DPP6: variants seen among roughly 807,000 people sequenced by gnomAD.
DPP6 encodes dipeptidyl peptidase like 6.
DPP6 carries 69 observed loss-of-function variants against 122.6 expected under a neutral mutation model. The ratio of observed to expected loss-of-function variants is 0.56; its 90% CI spans 0.46 to 0.69. DPP6 has a LOEUF of 0.69. DPP6 is among the 30% of genes least tolerant of loss of function. The pLI, the probability that DPP6 is intolerant of heterozygous loss-of-function variation, is 0.00. For synonymous variants in DPP6, 418 were observed against 433.1 expected (o/e 0.97, Z 0.43); for missense variants, 928 against 1,116.9 (o/e 0.83, Z 2.41).
chr7:154,127,630 CACAGACACACACACACACACAG>C lies in DPP6; in HGVS notation c.243+74571_243+74592del, dbSNP rs1220443259. ...ACACACACACACACACACACACACACACAGACACACACACACACACAGACACACACACACACACACACACACA... is the reference window on the plus strand; with the variant it reads ...ACACACACACACACACACACACACACACACACACACACACACACACACACA... On this transcript the variant is annotated intron_variant, in intron 1 of 25. Coordinates refer to ENST00000377770, the MANE Select transcript of DPP6 (RefSeq NM_130797.4). Among the ~76,000 whole-genome samples, 228 of 98,272 alleles carry C rather than the reference CACAGACACACACACACACACAG, an allele frequency of 2.3e-3. 1 individual carries two copies. Among genetic ancestry groups the C allele is most frequent in the African/African-American group, 0.012 (208 of 17,998 alleles). The allele number at this position is 98,272 out of a possible 152,430, so 64.5% of individuals were successfully genotyped here. A position where few individuals can be genotyped will look rare whatever the true frequency, so the allele number is the denominator to read the frequency against.
intron 3 of DPP6, among the ~76,000 whole-genome samples, chr7:154,499,060 T>C (rs1274979883): frequency 1.3e-5 from 2 of 152,200 alleles, no homozygotes. Flanking sequence ...GCCCTGAGCT[T>C]GGCCACGTGA....
the DPP6 span, among the ~76,000 whole-genome samples, chr7:153,762,635 C>G: frequency 5.9e-5 from 9 of 151,756 alleles, no homozygotes; most frequent in East Asian, 1.7e-3. Context: ...AAAAAATTAT[C>G]TGGGCATGGT....
At chr7:154,785,017 C>T (rs528131432) in intron 10 of DPP6, among the ~76,000 whole-genome samples, 1 of 152,152 alleles carries the variant, frequency 6.6e-6, no homozygotes, top group Admixed American at 6.5e-5. Flanking sequence ...CGGCTGTGAT[C>T]AGGTGTGTGG....
intron 5 of DPP6, among the ~76,000 whole-genome samples, chr7:154,590,968 C>T (rs531496625): frequency 3.0e-4 from 46 of 152,302 alleles, no homozygotes; most frequent in African/African-American, 1.0e-3. Flanking sequence ...CAGTGATGGG[C>T]GTGGTGAACC....
intron 1 of DPP6, among the ~76,000 whole-genome samples, chr7:154,139,075 G>T (rs556417889): frequency 6.6e-6 from 1 of 151,916 alleles, no homozygotes; most frequent in Admixed American, 6.6e-5. Context: ...ACAAGTCAGG[G>T]TTCTCCAGAG....
intron 3 of DPP6, among the ~76,000 whole-genome samples, chr7:154,537,922 G>A (rs1478591856): frequency 3.9e-5 from 6 of 151,992 alleles, no homozygotes; most frequent in East Asian, 3.9e-4. Context: ...CACTAGAATC[G>A]TGTACATCAG....
chr7:154,355,924 A>T (rs1217391509), intron 1 of DPP6, among the ~76,000 whole-genome samples: 1 of 152,218 alleles, frequency 6.6e-6, no homozygotes, highest in Non-Finnish European at 1.5e-5. Context: ...TAAATTAGTA[A>T]GAATTTACAT....
chr7:154,552,636 C>T (rs75452011), intron 4 of DPP6, among the ~76,000 whole-genome samples: 4,198 of 152,238 alleles, frequency 0.028, 189 homozygotes, highest in African/African-American at 0.093. Flanking sequence ...GCTGAAATAA[C>T]GTGATAAAAG....
chr7:154,202,009 CT>C (rs1405821883), intron 1 of DPP6, among the ~76,000 whole-genome samples: 3 of 152,142 alleles, frequency 2.0e-5, no homozygotes, highest in Admixed American at 1.3e-4. Context: ...AAATTAGGAC[CT>C]TTTTCACCCA....
At chr7:154,546,787 G>T (rs1470202340) in intron 4 of DPP6, among the ~76,000 whole-genome samples, 1 of 152,148 alleles carries the variant, frequency 6.6e-6, no homozygotes, top group Admixed American at 6.5e-5. Flanking sequence ...CAAATAATAG[G>T]CCTGTTTGTA....
At chr7:153,811,356 C>T in the DPP6 span, among the ~76,000 whole-genome samples, 11 of 152,226 alleles carry the variant, frequency 7.2e-5, no homozygotes, top group Non-Finnish European at 1.6e-4. Context: ...AAATGAATTA[C>T]TGGGGCAGAG....
Position 153,922,070 on chromosome 7 carries a change from C to T in DPP6, c.51+34336C>T, listed in dbSNP as rs540680263. Among the ~76,000 whole-genome samples, 58 of 152,306 alleles carry T rather than the reference C, an allele frequency of 3.8e-4. 1 individual carries two copies. In the South Asian group the frequency reaches 9.5e-3, roughly 25 times the overall value. On this transcript the variant is annotated intron_variant, in intron 1 of 25. Transcript: ENST00000404039. ...CACTATTGATCTGGTTCAACCGATA[C>T]GGTCCTGAGTGGGAGTCTAGAGGTA...
At position 154,821,606 on chromosome 7, in the gene DPP6, TA is replaced by T. The variant is rs1799762470; in HGVS notation, c.1666+14495del. 2.1e-5 allele frequency among the ~76,000 whole-genome samples: 1 copy of T among 46,936 alleles called. No individual in the cohort carries two copies. Among genetic ancestry groups the T allele is most frequent in the Non-Finnish European group, 5.4e-5 (1 of 18,680 alleles). 30.8% of individuals were successfully genotyped at this position (46,936 alleles called of 152,430 possible). A position where few individuals can be genotyped will look rare whatever the true frequency, so the allele number is the denominator to read the frequency against. On this transcript the variant is annotated intron_variant, in intron 16 of 25. Transcript: ENST00000377770. This position sits in a 1 kb window ranked among gnomAD's most constrained non-coding sequence, Gnocchi z 4.2. ...TTTCAAATGAAATGTTAAGTGAATA[TA>T]TATATATATATTTTTTTTCTGTATA...
intron 1 of DPP6, among the ~76,000 whole-genome samples, chr7:154,005,634 G>A (rs2533551): frequency 3.3e-5 from 5 of 150,858 alleles, no homozygotes; most frequent in Admixed American, 6.6e-5. Flanking sequence ...GGCAGGTGAC[G>A]TCGCCCAGGA....
At chr7:154,372,648 A>G (rs948153456) in intron 1 of DPP6, among the ~76,000 whole-genome samples, 1 of 152,318 alleles carries the variant, frequency 6.6e-6, no homozygotes, top group East Asian at 1.9e-4. Context: ...ACATTAGTTG[A>G]CATGCTCAAA....
At chr7:154,375,365 G>A (rs1290602178) in intron 1 of DPP6, among the ~76,000 whole-genome samples, 2 of 152,060 alleles carry the variant, frequency 1.3e-5, no homozygotes, top group African/African-American at 4.8e-5. Flanking sequence ...ATGGAGTGAG[G>A]CAGGACCCGG....
intron 5 of DPP6, among the ~76,000 whole-genome samples, chr7:154,577,802 G>T (rs1484172860): frequency 6.6e-6 from 1 of 152,298 alleles, no homozygotes; most frequent in East Asian, 1.9e-4. Context: ...GGCCATTATC[G>T]TAGCTCATTA....
chr7:154,215,669 C>T (rs988509328), intron 1 of DPP6, among the ~76,000 whole-genome samples: 2 of 152,104 alleles, frequency 1.3e-5, no homozygotes, highest in African/African-American at 4.8e-5. Context: ...CTGGGTGTCA[C>T]CAGACAGTCT....
At chr7:154,682,449 G>C (rs1219553478) in intron 7 of DPP6, among the ~76,000 whole-genome samples, 1 of 152,246 alleles carries the variant, frequency 6.6e-6, no homozygotes, top group Non-Finnish European at 1.5e-5. Context: ...GAGGCCTCGT[G>C]GGCTTGTGCC....
Sources: gnomAD v4.1 joint callset for allele counts (sites outside exome capture counted in the v4.1 genomes callset) on GRCh38, gnomAD v4.1.1 for gene constraint, Gnocchi (gnomAD v3.1) non-coding constraint, MANE v1.5 for transcripts, NCBI Gene and HGNC (gene_info 2026-07-23, HGNC 2026-07-21) for gene names.